The following MTRF1L variants were observed in gnomAD, a reference collection of about 807,000 sequenced individuals.
MTRF1L encodes the protein peptide chain release factor 1-like, mitochondrial.
A neutral mutation model predicts 40.0 loss-of-function variants in MTRF1L; 29 were observed. The observed-to-expected ratio is 0.73, with a 90% CI of 0.54 to 0.99. The LOEUF (loss-of-function observed/expected upper bound fraction) is 0.99. Among genes scored for constraint, MTRF1L ranks in the 50% least tolerant of loss-of-function variants. MTRF1L has a pLI of 0.00. For synonymous variants in MTRF1L, 150 were observed against 175.8 expected, an observed-to-expected ratio of 0.85 and a Z score of 1.16; for missense variants, 412 against 464.5, an observed-to-expected ratio of 0.89 and a Z score of 1.04.
chr6:152,994,405 A>C, intron 4 of MTRF1L, 108 bp downstream of exon 4: 1 of 1,193,482 alleles, frequency 8.4e-7, no homozygotes, highest in South Asian at 1.9e-5. Flanking sequence ...CTCAAAATAC[A>C]CAAGGAAGAC....
At chr6:152,999,759 T>C (rs899323834) in intron 1 of MTRF1L, among the ~76,000 whole-genome samples, 1 of 152,200 alleles carries the variant, frequency 6.6e-6, no homozygotes, top group Non-Finnish European at 1.5e-5. Context: ...TCCACCATGA[T>C]TGGGAGGCCT....
chr6:152,989,769 G>T lies in MTRF1L; in HGVS notation c.*126C>A, dbSNP rs71575951. 0.14 allele frequency: 143,749 copies of T among 1,041,936 alleles called. 11,112 individuals carry two copies. The highest frequency in any genetic ancestry group is 0.26 in the Admixed American group (7,660 of 29,862). 64.5% of individuals were successfully genotyped at this position (1,041,936 alleles called of 1,614,324 possible). The stretch of plus-strand genomic sequence containing the variant: ...TCTGTGTAAATTATCTATGACTTCA[G>T]AATATGCATATTACCTCCAACTGTG... On this transcript the variant is annotated 3_prime_UTR_variant, in exon 7 of 7. Coordinates refer to ENST00000367233, the MANE Select transcript of MTRF1L (RefSeq NM_019041.7).
intron 6 of MTRF1L, 39 bp downstream of exon 6, chr6:152,991,146 T>G (rs1348550671): frequency 1.5e-6 from 2 of 1,326,774 alleles, no homozygotes; most frequent in Admixed American, 2.9e-5. Flanking sequence ...ATAAAAATAT[T>G]TCTATCCTTT....
intron 1 of MTRF1L, among the ~76,000 whole-genome samples, chr6:152,999,158 C>T (rs774354007): frequency 6.6e-6 from 1 of 152,144 alleles, no homozygotes; most frequent in East Asian, 1.9e-4. Flanking sequence ...AATGTTTATA[C>T]GAAGTACTCC....
At chr6:152,998,452 A>G in intron 2 of MTRF1L, 98 bp downstream of exon 2, 1 of 876,510 alleles carries the variant, frequency 1.1e-6, no homozygotes, top group Admixed American at 3.5e-5. Context: ...AGTTTATTCT[A>G]AACAGTAACA....
chr6:152,987,431 G>A lies in MTRF1L; in HGVS notation c.*2464C>T, dbSNP rs1304487462. ...ACAATGGGAGCTTTTACATTGTTGA[G>A]CAAAGGAGTGACGAGATCAGTCTTG... On this transcript the variant is annotated 3_prime_UTR_variant, in exon 7 of 7. Transcript: ENST00000367233. 1.3e-5 allele frequency: 2 copies of A among 152,178 alleles called. No individual in the cohort carries two copies. The highest frequency in any genetic ancestry group is 2.9e-5 in the Non-Finnish European group (2 of 68,040). The allele number at this position is 152,178 out of a possible 1,614,324, so 9.4% of individuals were successfully genotyped here. A position where few individuals can be genotyped will look rare whatever the true frequency, so the allele number is the denominator to read the frequency against.
chr6:152,991,616 G>A (rs541235898), intron 5 of MTRF1L, among the ~76,000 whole-genome samples: 3 of 152,156 alleles, frequency 2.0e-5, no homozygotes, highest in Admixed American at 6.5e-5. Flanking sequence ...GCGCGATCTC[G>A]GCTCACTGCA....
At chr6:152,991,974 G>T (rs1399879032) in intron 5 of MTRF1L, among the ~76,000 whole-genome samples, 1 of 152,118 alleles carries the variant, frequency 6.6e-6, no homozygotes, top group African/African-American at 2.4e-5. Context: ...TAGAAACTAC[G>T]ATACATGAAA....
chr6:152,998,052 AAAGTTTATATATATAT>A (rs1024622416), intron 2 of MTRF1L, among the ~76,000 whole-genome samples: 1 of 151,482 alleles, frequency 6.6e-6, no homozygotes, highest in African/African-American at 2.4e-5. Context: ...TCAATAAATT[AAAGTTTATATATATAT>A]TTTTTTATCT....
rs1270734203 is a variant in MTRF1L, at chr6:152,990,109, A to G, written c.943-14T>C. 4.4e-6 allele frequency: 7 copies of G among 1,608,810 alleles called. No homozygotes were observed. Among genetic ancestry groups the G allele is most frequent in the Non-Finnish European group, 8.5e-7 (1 of 1,177,976 alleles). On this transcript the variant is annotated splice_polypyrimidine_tract_variant and intron_variant, in intron 6 of 6. Coordinates refer to ENST00000367233, the MANE Select transcript of MTRF1L (RefSeq NM_019041.7). The stretch of plus-strand genomic sequence containing the variant: ...TTTACTTCCAATCTGTATATAGAGA[A>G]AAAGATGAGATGCAGCTAGATTCAG...
In MTRF1L at chr6:153,001,995, C is replaced by A. The variant is rs146435173; in HGVS notation, c.259+432G>T. The stretch of plus-strand genomic sequence containing the variant: ...TCTCCCACCTATTCTATACTTAGGC[C>A]ATACTGAATTTCCCAATTTAGTACC... On this transcript the variant is annotated intron_variant, in intron 1 of 6. Transcript: ENST00000367233. Among the ~76,000 whole-genome samples, 538 of 152,318 alleles carry A rather than the reference C, an allele frequency of 3.5e-3. 4 individuals are homozygous for A. The highest frequency in any genetic ancestry group is 0.012 in the African/African-American group (505 of 41,564).
chr6:152,993,019 A>G, intron 4 of MTRF1L, 45 bp from the exon 5 acceptor site: 1 of 1,475,200 alleles, frequency 6.8e-7, no homozygotes, highest in Non-Finnish European at 9.4e-7. Flanking sequence ...ACATGTATCA[A>G]CTTTATAAAG....
At position 152,994,575 on chromosome 6, in the gene MTRF1L, C is replaced by T. The variant is rs761530340; in HGVS notation, c.625G>A (p.Glu209Lys). 2 of 1,613,108 alleles carry T rather than the reference C, an allele frequency of 1.2e-6. No individual in the cohort carries two copies. The highest frequency in any genetic ancestry group is 4.5e-5 in the East Asian group (2 of 44,870). ...CTAGTATGGACGCGGCCTTGCTTTT[C>T]TGTCTTTGGCACTCTTTGTACTCTG... The part of the protein sequence containing the change: ...VHRVQRVPKT[E>K]KQGRVHTSTM... The change falls in exon 4 of 7, where the codon GAA (glutamate) becomes AAA (lysine). Residue 209 changes from glutamate to lysine, a missense_variant. Physicochemically the swap from Glu to Lys is moderately conservative, Grantham distance 56. Coordinates refer to ENST00000367233, the MANE Select transcript of MTRF1L (RefSeq NM_019041.7).
rs573115512 is a variant in MTRF1L, at chr6:153,002,578, C to G, written c.108G>C (p.Leu36=). The G allele has an allele frequency of 1.0e-5, 16 of 1,561,234 alleles. No homozygotes were observed. The South Asian group carries it at 1.5e-4, about 15-fold the overall frequency. ...LSSGSPPLEE[L]FTRGGPLRTF... ...TCCGCAAGGGCCCGCCCCGGGTGAA[C>G]AGCTCCTCCAGCGGCGGGCTACCGG... Residue 36 remains leucine, a synonymous_variant, in exon 1 of 7, where the codon CTG becomes CTC. Transcript: ENST00000367233.
In MTRF1L at chr6:152,987,503, TAGAC is replaced by T. The variant is rs1242998571; in HGVS notation, c.*2388_*2391del. On this transcript the variant is annotated 3_prime_UTR_variant, in exon 7 of 7. Coordinates refer to ENST00000367233, the MANE Select transcript of MTRF1L (RefSeq NM_019041.7). ...GCAGTTACTTATTTGTAACCAGAAT[TAGAC>T]AGCAAATCGGATGCAGGGGAGAAGT... The T allele has an allele frequency of 1.3e-5, 2 of 152,214 alleles. No individual in the cohort carries two copies. Among genetic ancestry groups the T allele is most frequent in the African/African-American group, 4.8e-5 (2 of 41,440 alleles). 9.4% of individuals were successfully genotyped at this position (152,214 alleles called of 1,614,324 possible). A position where few individuals can be genotyped will look rare whatever the true frequency, so the allele number is the denominator to read the frequency against.
intron 1 of MTRF1L, among the ~76,000 whole-genome samples, chr6:153,001,563 C>A (rs1778918735): frequency 6.6e-6 from 1 of 152,120 alleles, no homozygotes; most frequent in Non-Finnish European, 1.5e-5. Flanking sequence ...TTAAAAAATT[C>A]GGTCCAACTT....
In MTRF1L at chr6:152,989,704, T is replaced by C; in HGVS notation, c.*191A>G. 1 of 614,044 alleles carries C rather than the reference T, an allele frequency of 1.6e-6. No individual in the cohort carries two copies. Among genetic ancestry groups the C allele is most frequent in the Non-Finnish European group, 2.7e-6 (1 of 372,808 alleles). 38.0% of individuals were successfully genotyped at this position (614,044 alleles called of 1,614,324 possible). ...TAACCACAATGTAAATCGAGGACCA[T>C]CTGTATATTGTATGATTTTTGCTAA... On this transcript the variant is annotated 3_prime_UTR_variant, in exon 7 of 7. Transcript: ENST00000367233.
At chr6:152,995,398 A>T in intron 2 of MTRF1L, 79 bp from the exon 3 acceptor site, 3 of 1,258,332 alleles carry the variant, frequency 2.4e-6, no homozygotes, top group Non-Finnish European at 3.2e-6. Flanking sequence ...ATGATTCAGG[A>T]ATTTTAAATA....
chr6:152,998,680 G>A, intron 1 of MTRF1L, 51 bp from the exon 2 acceptor site: 1 of 1,250,514 alleles, frequency 8.0e-7, no homozygotes, highest in Non-Finnish European at 1.1e-6. Context: ...GTGTTAAATT[G>A]CTAGCAGACT....
Sources: gnomAD v4.1 joint callset for allele counts (sites outside exome capture counted in the v4.1 genomes callset) on GRCh38, gnomAD v4.1.1 for gene constraint, MANE v1.5 for transcripts, NCBI Gene and HGNC (gene_info 2026-07-23, HGNC 2026-07-21) for gene names.